Variants in PUM3 observed in about 807,000 individuals in gnomAD.
PUM3 encodes pumilio homolog 3.
In PUM3, 91 loss-of-function variants were observed where a neutral mutation model predicts 84.0. That is an observed-to-expected ratio of 1.08 (90% CI 0.91 to 1.29). The LOEUF (loss-of-function observed/expected upper bound fraction) is 1.29. Among genes scored for constraint, PUM3 ranks in the 50% most tolerant of loss-of-function variants. The pLI is 0.00. For synonymous variants in PUM3, 321 were observed against 266.7 expected (o/e 1.20, Z -1.98); for missense variants, 1,067 against 767.5 (o/e 1.39, Z -4.61).
chr9:2,836,742 G>T (rs1816131579), intron 3 of PUM3, among the ~76,000 whole-genome samples: 4 of 152,036 alleles, frequency 2.6e-5, no homozygotes, highest in Admixed American at 2.6e-4. Flanking sequence ...GGGACAGACT[G>T]ATTCTTTAAA....
intron 17 of PUM3, among the ~76,000 whole-genome samples, chr9:2,805,301 G>C (rs1421705215): frequency 2.6e-5 from 4 of 152,128 alleles, no homozygotes; most frequent in African/African-American, 9.7e-5. Context: ...AGAAGTGAAA[G>C]GAGCCATAGA....
chr9:2,837,211 C>T lies in PUM3; in HGVS notation c.273G>A (p.Lys91=), dbSNP rs576552833. The change falls in exon 3 of 18, where the codon AAG becomes AAA. Residue 91 remains lysine, a synonymous_variant. Coordinates refer to ENST00000397885, the MANE Select transcript of PUM3 (RefSeq NM_014878.5). ...TTCTACCATCTGGCTGGAATTTTCT[C>T]TTCTTGTTGAATTTATTTGCCGGCT... ...KFQPANKFNK[K]RKFQPDGRSD... is the part of the protein sequence containing the mutation. 2.0e-5 allele frequency: 32 copies of T among 1,614,112 alleles called. No individual in the cohort carries two copies. The African/African-American group carries it at 3.6e-4, about 18-fold the overall frequency.
chr9:2,819,971 C>G (rs371386272), intron 13 of PUM3, 47 bp downstream of exon 13: 1 of 1,258,732 alleles, frequency 7.9e-7, no homozygotes, highest in Admixed American at 1.7e-5. Flanking sequence ...ACATCCACAA[C>G]TGGTTTATCG....
intron 1 of PUM3, 85 bp downstream of exon 1, chr9:2,843,960 C>T (rs1816338540): frequency 1.3e-5 from 2 of 153,678 alleles, no homozygotes; most frequent in African/African-American, 2.4e-5. Flanking sequence ...CAGTGGACAA[C>T]AGCCCCGAGA....
intron 9 of PUM3, 22 bp downstream of exon 9, chr9:2,828,653 A>C (rs1815887304): frequency 7.1e-7 from 1 of 1,410,394 alleles, no homozygotes; most frequent in Admixed American, 1.7e-5. Context: ...TCTTAAGAAC[A>C]AAACAAAAAC....
In PUM3 at chr9:2,807,803, G is replaced by A; in HGVS notation, c.1814+11C>T. 1 of 1,578,544 alleles carries A rather than the reference G, an allele frequency of 6.3e-7. No homozygotes were observed. Among genetic ancestry groups the A allele is most frequent in the Non-Finnish European group, 8.7e-7 (1 of 1,148,304 alleles). ...AGGCCCTGCTCAGAGAAGGGCACAT[G>A]TTATACATACCTAGAAAGAATAATG... is the stretch of plus-strand genomic sequence containing the variant. On this transcript the variant is annotated intron_variant, in intron 17 of 17. Coordinates refer to ENST00000397885, the MANE Select transcript of PUM3 (RefSeq NM_014878.5).
intron 13 of PUM3, among the ~76,000 whole-genome samples, chr9:2,818,378 C>G (rs1157101532): frequency 6.6e-6 from 1 of 152,172 alleles, no homozygotes; most frequent in Non-Finnish European, 1.5e-5. Flanking sequence ...GGAATTAAAA[C>G]TTTTTCAACA....
Position 2,811,586 on chromosome 9 carries a change from G to T in PUM3, c.1413-3C>A. The T allele has an allele frequency of 3.7e-6, 6 of 1,606,726 alleles. No homozygotes were observed. The highest frequency in any genetic ancestry group is 5.1e-6 in the Non-Finnish European group (6 of 1,173,622). Reference sequence around the variant, plus strand: ...TGCGGACCTCTGTATCTTTCTTACTGTTGAGTATGTTGAACGGGGTATTAA... The same window carrying T: ...TGCGGACCTCTGTATCTTTCTTACTTTTGAGTATGTTGAACGGGGTATTAA... On this transcript the variant is annotated splice_region_variant and splice_polypyrimidine_tract_variant and intron_variant, in intron 14 of 17. Coordinates refer to ENST00000397885, the MANE Select transcript of PUM3 (RefSeq NM_014878.5).
In PUM3 at chr9:2,838,415, G is replaced by A. The variant is rs1816184922; in HGVS notation, c.82+11C>T. On this transcript the variant is annotated intron_variant, in intron 2 of 17. Transcript: ENST00000397885. ...TAACAGCCAAACACCCACATGGGAA[G>A]CATATCTTACCACTATTTTTATGAA... 1 of 1,581,262 alleles carries A rather than the reference G, an allele frequency of 6.3e-7. No homozygotes were observed. Among genetic ancestry groups the A allele is most frequent in the South Asian group, 1.1e-5 (1 of 90,396 alleles).
Position 2,820,058 on chromosome 9 carries a change from C to T in PUM3, c.1229G>A (p.Cys410Tyr). The T allele has an allele frequency of 6.2e-7, 1 of 1,612,900 alleles. No individual in the cohort carries two copies. Among genetic ancestry groups the T allele is most frequent in the Non-Finnish European group, 8.5e-7 (1 of 1,179,120 alleles). ...CTTCACAAGCTTAGTATCATCAATA[C>T]AATCAAATGCCGCCAGTAAAACCAA... is the stretch of plus-strand genomic sequence containing the variant. ...SHLVLLAAFD[C>Y]IDDTKLVKQI... Residue 410 changes from cysteine to tyrosine, a missense_variant, in exon 13 of 18, where the codon TGT (cysteine) becomes TAT (tyrosine). Cys to Tyr is a radical substitution (Grantham distance 194). Coordinates refer to ENST00000397885, the MANE Select transcript of PUM3 (RefSeq NM_014878.5).
At chr9:2,823,715 C>G in intron 12 of PUM3, 66 bp downstream of exon 12, 1 of 676,114 alleles carries the variant, frequency 1.5e-6, no homozygotes, top group Non-Finnish European at 2.3e-6. Context: ...TCCAAATTTT[C>G]TATAATAGAC....
intron 13 of PUM3, among the ~76,000 whole-genome samples, chr9:2,812,586 C>A (rs930768999): frequency 2.0e-5 from 3 of 152,108 alleles, no homozygotes; most frequent in African/African-American, 7.2e-5. Context: ...ATAAAGTATG[C>A]CTAGAATTTC....
rs545457069 is a variant in PUM3, at chr9:2,825,749, G to T, written c.1036-934C>A. 1.1e-3 allele frequency among the ~76,000 whole-genome samples: 174 copies of T among 152,134 alleles called. 3 individuals carry two copies. The highest frequency in any genetic ancestry group is 1.0e-4 in the Non-Finnish European group (7 of 67,998). ...CCCGCCTCGGGTTCCCAAAGTGCTG[G>T]GATTACAGGTGTGAGCCACCGTGCC... is the stretch of plus-strand genomic sequence containing the variant. On this transcript the variant is annotated intron_variant, in intron 10 of 17. Coordinates refer to ENST00000397885, the MANE Select transcript of PUM3 (RefSeq NM_014878.5).
chr9:2,825,823 T>G (rs1273818471), intron 10 of PUM3, among the ~76,000 whole-genome samples: 1 of 152,180 alleles, frequency 6.6e-6, no homozygotes, highest in Non-Finnish European at 1.5e-5. Context: ...AAATGAGTTC[T>G]GGCAACTAAC....
intron 1 of PUM3, among the ~76,000 whole-genome samples, chr9:2,843,582 T>G (rs1302538754): frequency 7.0e-6 from 1 of 142,658 alleles, no homozygotes; most frequent in Non-Finnish European, 1.5e-5. Flanking sequence ...TCTTTTTTTT[T>G]TTTTTTTTTT....
At chr9:2,841,729 A>C (rs1816272070) in intron 1 of PUM3, among the ~76,000 whole-genome samples, 1 of 152,006 alleles carries the variant, frequency 6.6e-6, no homozygotes, top group Admixed American at 6.6e-5. Flanking sequence ...AAAAAAAAAA[A>C]AGGTTCTTAG....
intron 1 of PUM3, among the ~76,000 whole-genome samples, chr9:2,840,722 G>C (rs747528160): frequency 3.9e-5 from 6 of 152,164 alleles, no homozygotes; most frequent in Non-Finnish European, 5.9e-5. Flanking sequence ...GTGTCCTTTT[G>C]ACGCGGCCCA....
At chr9:2,807,663 C>A in intron 17 of PUM3, 151 bp downstream of exon 17, 107 of 325,288 alleles carry the variant, frequency 3.3e-4, no homozygotes, top group East Asian at 1.0e-3. Flanking sequence ...CATTTGCTTT[C>A]TAATATTTGG....
chr9:2,812,302 A>T lies in PUM3; in HGVS notation c.1330T>A (p.Tyr444Asn), dbSNP rs1419060613. Residue 444 changes from tyrosine (Y) to asparagine (N), a missense_variant, in exon 14 of 18, where the codon TAC (tyrosine) becomes AAC (asparagine). Physicochemically the swap from Tyr to Asn is moderately radical, Grantham distance 143 (BLOSUM62 -2). Coordinates refer to ENST00000397885, the MANE Select transcript of PUM3 (RefSeq NM_014878.5). Reference sequence around the variant, plus strand: ...GCAGGATCTCTGGGGCTTAGTAAGTACAATAGGACCTTCCTTCCATATTTG... The same window carrying T: ...GCAGGATCTCTGGGGCTTAGTAAGTTCAATAGGACCTTCCTTCCATATTTG... ...NDKYGRKVLL[Y>N]LLSPRDPAHT... The T allele has an allele frequency of 6.2e-7, 1 of 1,604,002 alleles. No homozygotes were observed. The highest frequency in any genetic ancestry group is 1.7e-5 in the Admixed American group (1 of 60,006).
Sources: gnomAD v4.1 joint callset for allele counts (sites outside exome capture counted in the v4.1 genomes callset) on GRCh38, gnomAD v4.1.1 for gene constraint, MANE v1.5 for transcripts, NCBI Gene and HGNC (gene_info 2026-07-23, HGNC 2026-07-21) for gene names.